Variants in NOL11 observed in about 807,000 individuals in gnomAD.
NOL11 encodes nucleolar protein 11.
In NOL11, 42 loss-of-function variants were observed where a neutral mutation model predicts 93.0. That is an observed-to-expected ratio of 0.45 (90% CI 0.35 to 0.58). The LOEUF is 0.58. Ranked by LOEUF, NOL11 falls within the 20% of genes least tolerant of loss-of-function variation. The pLI is 0.00. For missense variants in NOL11, 775 were observed against 841.8 expected (o/e 0.92, Z 0.98); for synonymous variants, 296 against 293.7 (o/e 1.01, Z -0.08).
intron 2 of NOL11, 45 bp downstream of exon 2, chr17:67,719,832 A>T (rs760569495): frequency 6.8e-7 from 1 of 1,470,228 alleles, no homozygotes. Flanking sequence ...ATAAATGTTG[A>T]TTATTAACTA....
In NOL11 at chr17:67,723,949, T is replaced by C. The variant is rs950833326; in HGVS notation, c.520-100T>C. On this transcript the variant is annotated intron_variant, in intron 5 of 17. Coordinates refer to ENST00000253247, the MANE Select transcript of NOL11 (RefSeq NM_015462.5). Reference sequence around the variant, plus strand: ...AGCATAAGATGTTTTTAAGTACTCATTGATGTAAGTAGAATGGGGTGACAA... The same window carrying C: ...AGCATAAGATGTTTTTAAGTACTCACTGATGTAAGTAGAATGGGGTGACAA... The C allele has an allele frequency of 8.1e-6, 6 of 739,148 alleles. No homozygotes were observed. In the Admixed American group the frequency reaches 1.1e-4, roughly 13 times the overall value. 45.8% of individuals were successfully genotyped at this position (739,148 alleles called of 1,614,324 possible). A position where few individuals can be genotyped will look rare whatever the true frequency, so the allele number is the denominator to read the frequency against.
At chr17:67,718,125 T>TCTCG (rs767891971) in intron 1 of NOL11, 37 bp downstream of exon 1, 6 of 1,596,080 alleles carry the variant, frequency 3.8e-6, no homozygotes, top group Non-Finnish European at 5.1e-6. Flanking sequence ...CCGACTGCCT[T>TCTCG]CTCGCCCCTT....
At position 67,744,352 on chromosome 17, in the gene NOL11, C is replaced by G. The variant is rs750211931; in HGVS notation, c.*493C>G. 1 of 152,216 alleles carries G rather than the reference C, an allele frequency of 6.6e-6. No individual in the cohort carries two copies. The highest frequency in any genetic ancestry group is 1.9e-4 in the East Asian group (1 of 5,190). The allele number at this position is 152,216 out of a possible 1,614,324, so 9.4% of individuals were successfully genotyped here. The stretch of plus-strand genomic sequence containing the variant: ...CACACAGGCACGTGATTGCCTCCTG[C>G]GGTCTCCCCTGTCCTTTAGGACAAA... On this transcript the variant is annotated 3_prime_UTR_variant, in exon 18 of 18. Coordinates refer to ENST00000253247, the MANE Select transcript of NOL11 (RefSeq NM_015462.5).
chr17:67,721,306 C>T (rs946289143), intron 3 of NOL11, 72 bp from the exon 4 acceptor site: 4 of 937,954 alleles, frequency 4.3e-6, no homozygotes, highest in African/African-American at 3.4e-5. Context: ...AAAAAGAAGC[C>T]TTCTCTAAAT....
At chr17:67,738,024 C>T in intron 13 of NOL11, 52 bp downstream of exon 13, 4 of 1,563,908 alleles carry the variant, frequency 2.6e-6, no homozygotes, top group Non-Finnish European at 3.5e-6. Context: ...TAATCTGTTA[C>T]ATTATTTGAT....
At chr17:67,742,029 G>A (rs2055261343) in intron 16 of NOL11, among the ~76,000 whole-genome samples, 1 of 152,188 alleles carries the variant, frequency 6.6e-6, no homozygotes, top group African/African-American at 2.4e-5. Flanking sequence ...AATCTTCAGT[G>A]AGGATCTTTA....
intron 8 of NOL11, among the ~76,000 whole-genome samples, chr17:67,734,766 T>G (rs144147571): frequency 8.9e-4 from 136 of 152,314 alleles, no homozygotes; most frequent in Non-Finnish European, 1.4e-3. Context: ...TGATTGTGCC[T>G]GTGAAGAGCT....
intron 7 of NOL11, among the ~76,000 whole-genome samples, chr17:67,727,789 C>T (rs1011248706): frequency 6.6e-6 from 1 of 151,730 alleles, no homozygotes; most frequent in Non-Finnish European, 1.5e-5. Flanking sequence ...CATGGTGAAA[C>T]TCCATGTCTC....
At chr17:67,743,359 G>A in intron 16 of NOL11, 120 bp from the exon 17 acceptor site, 1 of 453,236 alleles carries the variant, frequency 2.2e-6, no homozygotes, top group Non-Finnish European at 4.0e-6. Flanking sequence ...AAACAAAAAT[G>A]TTCAGATTTT....
intron 1 of NOL11, 53 bp downstream of exon 1, chr17:67,718,141 G>A (rs2043190058): frequency 6.3e-7 from 1 of 1,590,556 alleles, no homozygotes; most frequent in Admixed American, 1.8e-5. Flanking sequence ...CCCTTTCTGA[G>A]CGCGGAGCTC....
intron 7 of NOL11, among the ~76,000 whole-genome samples, chr17:67,728,685 G>A (rs190350970): frequency 5.4e-4 from 82 of 151,854 alleles, no homozygotes; most frequent in African/African-American, 1.9e-3. Context: ...TCCCCTCCTC[G>A]TTTAACACAA....
chr17:67,739,145 C>G, intron 15 of NOL11, 135 bp downstream of exon 15: 1 of 660,706 alleles, frequency 1.5e-6, no homozygotes, highest in South Asian at 2.0e-5. Context: ...GCTCTAATGG[C>G]AAAAAATTGT....
chr17:67,737,794 G>A (rs1296977488), intron 12 of NOL11, 53 bp from the exon 13 acceptor site: 2 of 1,585,806 alleles, frequency 1.3e-6, no homozygotes, highest in African/African-American at 1.4e-5. Context: ...TAAATGTTCT[G>A]CAGTTGAGAA....
intron 16 of NOL11, among the ~76,000 whole-genome samples, chr17:67,742,476 CTCTT>C (rs2143149072): frequency 6.6e-6 from 1 of 152,204 alleles, no homozygotes; most frequent in East Asian, 1.9e-4. Context: ...TCTTTTTACT[CTCTT>C]TAGTATAATT....
chr17:67,719,065 C>A (rs2043197825), intron 1 of NOL11: 1 of 152,066 alleles, frequency 6.6e-6, no homozygotes. Context: ...TGCTTATTTA[C>A]TTATTTAGGA....
chr17:67,737,833 T>C lies in NOL11; in HGVS notation c.1404-14T>C, dbSNP rs767296391. On this transcript the variant is annotated splice_polypyrimidine_tract_variant and intron_variant, in intron 12 of 17. Coordinates refer to ENST00000253247, the MANE Select transcript of NOL11 (RefSeq NM_015462.5). Reference sequence around the variant, plus strand: ...TCTTAATATGTAATAGTGATTCAGATTTTTTTGTCTTAGTTTGTGCCCCGA... The same window carrying C: ...TCTTAATATGTAATAGTGATTCAGACTTTTTTGTCTTAGTTTGTGCCCCGA... 4.6e-5 allele frequency: 73 copies of C among 1,602,636 alleles called. No homozygotes were observed. The highest frequency in any genetic ancestry group is 5.7e-5 in the Non-Finnish European group (67 of 1,176,760).
At chr17:67,733,167 C>T (rs1288923770) in intron 7 of NOL11, among the ~76,000 whole-genome samples, 1 of 151,266 alleles carries the variant, frequency 6.6e-6, no homozygotes, top group Non-Finnish European at 1.5e-5. Context: ...AGTTCGAGAC[C>T]AGCCTGGCCA....
At chr17:67,724,926 C>T (rs995899646) in intron 6 of NOL11, among the ~76,000 whole-genome samples, 11 of 152,020 alleles carry the variant, frequency 7.2e-5, no homozygotes, top group East Asian at 1.9e-4. Flanking sequence ...GGCATGGTGG[C>T]GGGTGCCTGT....
At position 67,719,804 on chromosome 17, in the gene NOL11, T is replaced by C. The variant is rs1433889540; in HGVS notation, c.255+17T>C. ...GATAATAAGGTGAGTTTTAAAACTT[T>C]TGTATAATATATACAATATAAATGT... On this transcript the variant is annotated intron_variant, in intron 2 of 17. Coordinates refer to ENST00000253247, the MANE Select transcript of NOL11 (RefSeq NM_015462.5). The C allele has an allele frequency of 6.6e-6, 10 of 1,519,100 alleles. No individual in the cohort carries two copies. The highest frequency in any genetic ancestry group is 9.0e-6 in the Non-Finnish European group (10 of 1,107,484). The allele number at this position is 1,519,100 out of a possible 1,614,324, so 94.1% of individuals were successfully genotyped here.
Sources: allele counts gnomAD v4.1 joint callset (sites outside exome capture counted in the v4.1 genomes callset), GRCh38; gene constraint gnomAD v4.1.1; transcripts MANE v1.5; gene names NCBI Gene and HGNC (gene_info 2026-07-23, HGNC 2026-07-21).